The following HSD17B12 variants were observed in gnomAD, a reference collection of about 807,000 sequenced individuals.
HSD17B12 encodes very-long-chain 3-oxoacyl-CoA reductase.
In HSD17B12, 32 loss-of-function variants were observed where a neutral mutation model predicts 39.3. That is an observed-to-expected ratio of 0.81 (90% CI 0.61 to 1.09). HSD17B12 has a LOEUF of 1.09. Among genes scored for constraint, HSD17B12 ranks in the 50% least tolerant of loss-of-function variants. The pLI, the probability that HSD17B12 is intolerant of heterozygous loss-of-function variation, is 0.00. For missense variants in HSD17B12, 342 were observed against 382.9 expected (o/e 0.89, Z 0.89); for synonymous variants, 150 against 146.7 (o/e 1.02, Z -0.16).
the HSD17B12 span, among the ~76,000 whole-genome samples, chr11:43,628,438 C>T: frequency 6.6e-6 from 1 of 152,070 alleles, no homozygotes; most frequent in Non-Finnish European, 1.5e-5. Flanking sequence ...CCACTTCACA[C>T]ACACCCTCAC....
chr11:43,566,268 T>C, the HSD17B12 span, among the ~76,000 whole-genome samples: 2 of 152,194 alleles, frequency 1.3e-5, no homozygotes, highest in African/African-American at 2.4e-5. Context: ...CTTGATATCT[T>C]GCCAGCAGAA....
the HSD17B12 span, among the ~76,000 whole-genome samples, chr11:43,608,935 A>G: frequency 1.3e-5 from 2 of 151,138 alleles, no homozygotes; most frequent in African/African-American, 2.4e-5. Flanking sequence ...CAACCCCCCA[A>G]CCTCTTTTTT....
intron 3 of HSD17B12, among the ~76,000 whole-genome samples, chr11:43,768,119 T>C (rs1950613293): frequency 1.3e-5 from 2 of 152,178 alleles, no homozygotes. Flanking sequence ...TGTGCTGTGT[T>C]CTCCGTGACT....
rs762969903 is a variant in HSD17B12, at chr11:43,808,898, T to C, written c.392-6539T>C. 4.5e-4 allele frequency among the ~76,000 whole-genome samples: 69 copies of C among 152,236 alleles called. 1 individual carries two copies. Among genetic ancestry groups the C allele is most frequent in the Non-Finnish European group, 1.5e-4 (10 of 68,048 alleles). ...TATGAACATGTGCTAGCTAAAGCAA[T>C]ATGTTAAATAAGGCAAAGATGGAAT... On this transcript the variant is annotated intron_variant, in intron 4 of 10. Transcript: ENST00000278353.
At chr11:43,783,861 A>C (rs1950790726) in intron 3 of HSD17B12, among the ~76,000 whole-genome samples, 1 of 152,240 alleles carries the variant, frequency 6.6e-6, no homozygotes, top group South Asian at 2.1e-4. Flanking sequence ...TAAAAATAAT[A>C]ACAGTAAACC....
intron 6 of HSD17B12, among the ~76,000 whole-genome samples, chr11:43,818,293 T>C (rs1951149282): frequency 6.6e-6 from 1 of 152,196 alleles, no homozygotes; most frequent in South Asian, 2.1e-4. Context: ...TTACTCATAA[T>C]AACTAGTCTG....
intron 1 of HSD17B12, among the ~76,000 whole-genome samples, chr11:43,739,628 G>A (rs1334040044): frequency 1.3e-5 from 2 of 152,312 alleles, no homozygotes; most frequent in East Asian, 3.9e-4. Context: ...CCACTCATGA[G>A]GGAGGAGACT....
chr11:43,612,069 G>T, the HSD17B12 span, among the ~76,000 whole-genome samples: 1 of 152,122 alleles, frequency 6.6e-6, no homozygotes, highest in East Asian at 1.9e-4. Context: ...CTGTATCAGG[G>T]TACTCCTATC....
intron 1 of HSD17B12, among the ~76,000 whole-genome samples, chr11:43,707,930 C>G (rs1950030405): frequency 6.6e-6 from 1 of 152,268 alleles, no homozygotes; most frequent in South Asian, 2.1e-4. Context: ...AGTCCAAGAT[C>G]AAAGCTTCTG....
the HSD17B12 span, among the ~76,000 whole-genome samples, chr11:43,671,422 C>A: frequency 2.6e-5 from 4 of 152,232 alleles, no homozygotes; most frequent in African/African-American, 9.6e-5. Flanking sequence ...TTCAGGTAAT[C>A]CGCCAATTTT....
intron 1 of HSD17B12, among the ~76,000 whole-genome samples, chr11:43,685,211 C>G (rs1730900783): frequency 3.9e-5 from 6 of 152,138 alleles, no homozygotes; most frequent in Admixed American, 3.9e-4. Flanking sequence ...TCTCCTAATT[C>G]AGTAGATAGT....
At chr11:43,591,053 A>G in the HSD17B12 span, among the ~76,000 whole-genome samples, 32 of 152,182 alleles carry the variant, frequency 2.1e-4, no homozygotes, top group East Asian at 6.0e-3. Context: ...CTGAACCTCA[A>G]CACCACATTT....
chr11:43,633,243 G>A, the HSD17B12 span, among the ~76,000 whole-genome samples: 1 of 152,116 alleles, frequency 6.6e-6, no homozygotes, highest in Non-Finnish European at 1.5e-5. Flanking sequence ...ACAATTTAAA[G>A]ACAACAGGCC....
the HSD17B12 span, among the ~76,000 whole-genome samples, chr11:43,581,093 C>A: frequency 6.6e-6 from 1 of 152,022 alleles, no homozygotes; most frequent in African/African-American, 2.4e-5. The surrounding 1 kb of genome is among the most constrained non-coding windows in gnomAD (Gnocchi z 4.9). Flanking sequence ...GACAGGCAGG[C>A]GGGGAGGCTC....
At chr11:43,659,217 G>T in the HSD17B12 span, among the ~76,000 whole-genome samples, 1 of 152,258 alleles carries the variant, frequency 6.6e-6, no homozygotes, top group African/African-American at 2.4e-5. Flanking sequence ...ATCTCCTGGT[G>T]TGCCGTTTGT....
chr11:43,680,955 C>A lies in HSD17B12; in HGVS notation c.128C>A (p.Ala43Glu). ...CGGGTCTGGGGAGTGGGGAATGAGGCGGGGGTCGGCCCGGGGCTCGGAGAA... is the reference window on the plus strand; with the variant it reads ...CGGGTCTGGGGAGTGGGGAATGAGGAGGGGGTCGGCCCGGGGCTCGGAGAA... Reference protein sequence around the residue: ...ALRVWGVGNEAGVGPGLGEWA... With the variant: ...ALRVWGVGNEEGVGPGLGEWA... The change falls in exon 1 of 11, where the codon GCG becomes GAG. Residue 43 changes from alanine (A) to glutamate (E), a missense_variant. By Grantham distance (107) the Ala-to-Glu change is moderately radical. Transcript: ENST00000278353. The A allele has an allele frequency of 6.2e-7, 1 of 1,608,584 alleles. No individual in the cohort carries two copies. The highest frequency in any genetic ancestry group is 1.3e-5 in the African/African-American group (1 of 74,852).
chr11:43,829,685 GCACA>G (rs1412690685), intron 6 of HSD17B12: 1 of 151,888 alleles, frequency 6.6e-6, no homozygotes, highest in Non-Finnish European at 1.5e-5. Context: ...AAATGCGCAC[GCACA>G]CACACAGACA....
the HSD17B12 span, among the ~76,000 whole-genome samples, chr11:43,664,185 C>T: frequency 1.2e-4 from 18 of 152,258 alleles, 1 homozygote; most frequent in Middle Eastern, 3.4e-3. Flanking sequence ...GCAGAGGTTA[C>T]AGGCTAAGTC....
intron 4 of HSD17B12, among the ~76,000 whole-genome samples, chr11:43,811,461 CT>C (rs1304840425): frequency 1.3e-5 from 2 of 152,172 alleles, no homozygotes; most frequent in Non-Finnish European, 2.9e-5. Context: ...TCTTAACAGC[CT>C]TATTCCAGCT....
Sources: allele counts gnomAD v4.1 joint callset (sites outside exome capture counted in the v4.1 genomes callset), GRCh38; gene constraint gnomAD v4.1.1; non-coding constraint Gnocchi (gnomAD v3.1); transcripts MANE v1.5; gene names NCBI Gene and HGNC (gene_info 2026-07-23, HGNC 2026-07-21).